Variants in TMEM229B observed in about 807,000 individuals in gnomAD.
TMEM229B encodes transmembrane protein 229B, also known as chromosome 14 open reading frame 83.
TMEM229B carries 6 observed loss-of-function variants against 13.7 expected under a neutral mutation model. The observed-to-expected ratio is 0.44, with a 90% CI of 0.24 to 0.86. The LOEUF is 0.86. Among genes scored for constraint, TMEM229B ranks in the 40% least tolerant of loss-of-function variants. The pLI, the probability that TMEM229B is intolerant of heterozygous loss-of-function variation, is 0.23. For missense variants in TMEM229B, 170 were observed against 236.0 expected, an observed-to-expected ratio of 0.72 and a Z score of 1.83; for synonymous variants, 107 against 102.1, an observed-to-expected ratio of 1.05 and a Z score of -0.29.
chr14:67,509,645 T>C (rs1467799277), intron 1 of TMEM229B, among the ~76,000 whole-genome samples: 1 of 152,172 alleles, frequency 6.6e-6, no homozygotes, highest in Non-Finnish European at 1.5e-5. Context: ...TGTTAACCTA[T>C]ACTGCCTCCA....
chr14:67,492,962 C>T (rs1188562670), upstream of TMEM229B, among the ~76,000 whole-genome samples: 1 of 152,046 alleles, frequency 6.6e-6, no homozygotes, highest in Non-Finnish European at 1.5e-5. Flanking sequence ...ATGGGGAAGG[C>T]CAGGTGGGGG....
intron 1 of TMEM229B, among the ~76,000 whole-genome samples, chr14:67,524,689 C>T (rs1313093452): frequency 6.6e-6 from 1 of 152,208 alleles, no homozygotes; most frequent in Non-Finnish European, 1.5e-5. Flanking sequence ...CTTGTGTCTG[C>T]TCCTTCAAGC....
At chr14:67,499,905 A>G (rs10873202) in intron 1 of TMEM229B, among the ~76,000 whole-genome samples, 89,857 of 151,746 alleles carry the variant, frequency 0.59, 28,002 homozygotes, top group Non-Finnish European at 0.69. Flanking sequence ...CACCATCTGA[A>G]GACACCTGGG....
chr14:67,522,112 G>T (rs943559044), intron 1 of TMEM229B, among the ~76,000 whole-genome samples: 1 of 152,210 alleles, frequency 6.6e-6, no homozygotes, highest in Non-Finnish European at 1.5e-5. Flanking sequence ...GGCGGAGGTT[G>T]CAGTGAGCTG....
chr14:67,522,044 C>G (rs1456280746), intron 1 of TMEM229B, among the ~76,000 whole-genome samples: 3 of 152,050 alleles, frequency 2.0e-5, no homozygotes, highest in Non-Finnish European at 4.4e-5. Context: ...CATGGTGGAG[C>G]GTGCCTGTTA....
At chr14:67,483,655 AC>A (rs1400777398) in intron 2 of TMEM229B, among the ~76,000 whole-genome samples, 1 of 152,072 alleles carries the variant, frequency 6.6e-6, no homozygotes, top group Non-Finnish European at 1.5e-5. Flanking sequence ...ACAGCAACCA[AC>A]CCTCAGGCCC....
At chr14:67,491,396 C>T (rs1484074313), upstream of TMEM229B, among the ~76,000 whole-genome samples, 1 of 152,200 alleles carries the variant, frequency 6.6e-6, no homozygotes, top group East Asian at 1.9e-4. Context: ...ATCCTCTAAG[C>T]ATTTGGTCTT....
At chr14:67,501,086 A>AT (rs2032594334) in intron 1 of TMEM229B, among the ~76,000 whole-genome samples, 1 of 149,252 alleles carries the variant, frequency 6.7e-6, no homozygotes, top group Non-Finnish European at 1.5e-5. Context: ...AATAATAATA[A>AT]AGAAAATGCC....
At chr14:67,514,816 A>T (rs2033146322) in intron 1 of TMEM229B, among the ~76,000 whole-genome samples, 3 of 151,972 alleles carry the variant, frequency 2.0e-5, no homozygotes, top group Non-Finnish European at 2.9e-5. Context: ...CCCTTCCCCA[A>T]CACGCCCCCC....
In TMEM229B at chr14:67,510,403, A is replaced by G. The variant is rs149213159; in HGVS notation, c.-192+4683T>C. ...TCACACACAGACGAATCATTGCCCA[A>G]TGACCTAGAAATCGGGGTATCTGAT... is the stretch of plus-strand genomic sequence containing the variant. On this transcript the variant is annotated intron_variant, in intron 1 of 2. Transcript: ENST00000357461. Among the ~76,000 whole-genome samples the G allele has an allele frequency of 2.9e-3, 449 of 152,300 alleles. 4 individuals carry two copies. The highest frequency in any genetic ancestry group is 0.01 in the African/African-American group (418 of 41,558).
chr14:67,475,524 C>G (rs11158668), intron 2 of TMEM229B, among the ~76,000 whole-genome samples: 17,773 of 152,218 alleles, frequency 0.12, 1,267 homozygotes, highest in Non-Finnish European at 0.15. Context: ...TACAAGGGTT[C>G]CAATTTCTCC....
At chr14:67,524,108 T>G (rs984668456) in intron 1 of TMEM229B, among the ~76,000 whole-genome samples, 4 of 152,184 alleles carry the variant, frequency 2.6e-5, no homozygotes, top group African/African-American at 9.6e-5. Flanking sequence ...AATGGGAGAT[T>G]AATACTCTCT....
chr14:67,508,505 C>T (rs1229490943), intron 1 of TMEM229B, among the ~76,000 whole-genome samples: 1 of 152,086 alleles, frequency 6.6e-6, no homozygotes, highest in Non-Finnish European at 1.5e-5. Context: ...ATCATACAGC[C>T]TCACGCTAGC....
chr14:67,519,636 C>T (rs564173218), upstream of TMEM229B, among the ~76,000 whole-genome samples: 1 of 151,970 alleles, frequency 6.6e-6, no homozygotes, highest in Admixed American at 6.6e-5. Context: ...CAAGTACCCC[C>T]CAAACAGCGA....
At chr14:67,503,115 C>T (rs560326576) in intron 1 of TMEM229B, among the ~76,000 whole-genome samples, 14 of 152,144 alleles carry the variant, frequency 9.2e-5, no homozygotes, top group Non-Finnish European at 1.8e-4. Flanking sequence ...AGATCAGGAT[C>T]TGTGTTTGCC....
At chr14:67,528,851 T>G (rs1169648380) in intron 1 of TMEM229B, among the ~76,000 whole-genome samples, 1 of 152,156 alleles carries the variant, frequency 6.6e-6, no homozygotes, top group Non-Finnish European at 1.5e-5. Context: ...TGCGTGACAA[T>G]GCAGACTCCT....
rs542474553 is a variant in TMEM229B at position 67,497,187 on chromosome 14, T to G, written c.-191-10015A>C. Among the ~76,000 whole-genome samples the G allele has an allele frequency of 1.8e-3, 280 of 152,198 alleles. 2 individuals are homozygous for G. Among genetic ancestry groups the G allele is most frequent in the African/African-American group, 6.4e-3 (267 of 41,510 alleles). On this transcript the variant is annotated intron_variant, in intron 1 of 2. Transcript: ENST00000357461. ...GAGAGCTCGTGGGTGGTGTATATGC[T>G]GCGGGCACACACGAATGCCCTGGGT...
intron 1 of TMEM229B, among the ~76,000 whole-genome samples, chr14:67,496,755 C>T (rs887291128): frequency 7.7e-6 from 1 of 130,032 alleles, no homozygotes; most frequent in African/African-American, 2.8e-5. Context: ...TCCTTCCTTC[C>T]TCCCTCCCTC....
chr14:67,527,438 C>CA (rs922164250), intron 1 of TMEM229B, among the ~76,000 whole-genome samples: 9 of 150,432 alleles, frequency 6.0e-5, no homozygotes, highest in East Asian at 1.9e-4. Context: ...AACTCCATCT[C>CA]AAAAAAAAAG....
Sources: allele counts gnomAD v4.1 joint callset (sites outside exome capture counted in the v4.1 genomes callset), GRCh38; gene constraint gnomAD v4.1.1; transcripts MANE v1.5; gene names NCBI Gene and HGNC (gene_info 2026-07-23, HGNC 2026-07-21).